The following ARMC9 variants were observed in gnomAD, a reference collection of about 807,000 sequenced individuals.
ARMC9 encodes lisH domain-containing protein ARMC9.
ARMC9 carries 94 observed loss-of-function variants against 107.0 expected under a neutral mutation model. The observed-to-expected ratio is 0.88, with a 90% CI of 0.74 to 1.04. The LOEUF (loss-of-function observed/expected upper bound fraction) is 1.04, where lower values mean the gene tolerates loss of function less well. ARMC9 is among the 50% of genes least tolerant of loss of function. The pLI, the probability that ARMC9 is intolerant of heterozygous loss-of-function variation, is 0.00. For missense variants in ARMC9, 942 were observed against 1,030.1 expected, an observed-to-expected ratio of 0.91 and a Z score of 1.17; for synonymous variants, 380 against 396.9, an observed-to-expected ratio of 0.96 and a Z score of 0.51.
intron 17 of ARMC9, among the ~76,000 whole-genome samples, chr2:231,291,111 G>A (rs1485653660): frequency 6.6e-6 from 1 of 152,122 alleles, no homozygotes; most frequent in Non-Finnish European, 1.5e-5. Context: ...ACTTGGCCAG[G>A]TTTGTCTTGC....
chr2:231,247,190 C>A (rs1003291767), intron 9 of ARMC9, among the ~76,000 whole-genome samples: 3 of 152,150 alleles, frequency 2.0e-5, no homozygotes, highest in African/African-American at 7.2e-5. Context: ...CTCTTGACCT[C>A]GTGATCCACC....
intron 9 of ARMC9, among the ~76,000 whole-genome samples, chr2:231,248,426 C>T (rs1023610816): frequency 6.6e-5 from 10 of 152,092 alleles, no homozygotes; most frequent in Non-Finnish European, 1.3e-4. Context: ...TACAGGCATC[C>T]GATCATATTA....
intron 17 of ARMC9, among the ~76,000 whole-genome samples, chr2:231,290,417 GA>G (rs1421567969): frequency 6.6e-6 from 1 of 152,172 alleles, no homozygotes; most frequent in Non-Finnish European, 1.5e-5. Flanking sequence ...AAAAGTCCAG[GA>G]AAATGTTCAG....
intron 1 of ARMC9, among the ~76,000 whole-genome samples, chr2:231,203,310 G>A (rs1351645575): frequency 6.6e-6 from 1 of 152,044 alleles, no homozygotes; most frequent in African/African-American, 2.4e-5. Flanking sequence ...CATACTCTTC[G>A]GCCAGCTGCT....
At chr2:231,256,510 A>G (rs939912615) in intron 9 of ARMC9, 76 bp from the exon 10 acceptor site, 25 of 1,543,616 alleles carry the variant, frequency 1.6e-5, no homozygotes, top group Non-Finnish European at 2.1e-5. Context: ...ATTCCATGCT[A>G]TTAGGGTGAT....
intron 16 of ARMC9, among the ~76,000 whole-genome samples, chr2:231,280,818 G>T (rs1318850980): frequency 6.6e-6 from 1 of 152,128 alleles, no homozygotes; most frequent in African/African-American, 2.4e-5. Context: ...AAGGATAAAG[G>T]ATATGACTAG....
chr2:231,273,226 G>A, intron 14 of ARMC9, 148 bp downstream of exon 14: 1 of 1,128,102 alleles, frequency 8.9e-7, no homozygotes, highest in Non-Finnish European at 1.3e-6. Context: ...AAGCTTATCT[G>A]TAATCCACTA....
intron 17 of ARMC9, among the ~76,000 whole-genome samples, chr2:231,282,789 G>C (rs1289583702): frequency 1.3e-5 from 2 of 152,178 alleles, no homozygotes; most frequent in Non-Finnish European, 2.9e-5. Context: ...TACATCAACA[G>C]TTACACCAGA....
intron 19 of ARMC9, among the ~76,000 whole-genome samples, chr2:231,329,153 A>C (rs569514151): frequency 6.6e-6 from 1 of 151,030 alleles, no homozygotes; most frequent in Admixed American, 6.6e-5. Flanking sequence ...CTTTCCATAT[A>C]GATTTTAGAA....
chr2:231,339,587 C>A (rs1360782497), intron 20 of ARMC9, among the ~76,000 whole-genome samples: 1 of 152,150 alleles, frequency 6.6e-6, no homozygotes. Context: ...CAGGTGTAAG[C>A]CACTGTGCAT....
chr2:231,220,229 T>G (rs2033971893), intron 5 of ARMC9, among the ~76,000 whole-genome samples: 1 of 152,170 alleles, frequency 6.6e-6, no homozygotes. Flanking sequence ...AAGTTTATTT[T>G]TTTGTTGTTT....
At position 231,360,356 on chromosome 2, in the gene ARMC9, T is replaced by TA. The variant is rs146050354; in HGVS notation, c.2132-394dup. Among the ~76,000 whole-genome samples, 9,334 of 152,214 alleles carry TA rather than the reference T, an allele frequency of 0.061. 853 individuals carry two copies. Among genetic ancestry groups the TA allele is most frequent in the African/African-American group, 0.2 (8,187 of 41,488 alleles). The stretch of plus-strand genomic sequence containing the variant: ...CTCTCAGGTTGTTGGTTTTAGCAAA[T>TA]AAAACTACACACCACCCAGTTACAT... On this transcript the variant is annotated intron_variant, in intron 22 of 24. Coordinates refer to ENST00000611582, the MANE Select transcript of ARMC9 (RefSeq NM_001352754.2). This position sits in a 1 kb window ranked among gnomAD's most constrained non-coding sequence, Gnocchi z 4.7.
rs1284614776 is a variant in ARMC9, at chr2:231,291,455, GCAAGAATCTTTGATCTA to G, written c.1717+13_1717+29del. ...GCAGCTAAATTCCGGTCAGTTTGAT[GCAAGAATCTTTGATCTA>G]TCTTTTGAATTATTCACATTTGCCA... On this transcript the variant is annotated intron_variant, in intron 18 of 24. Transcript: ENST00000611582. The G allele has an allele frequency of 6.2e-7, 1 of 1,607,806 alleles. No homozygotes were observed. The highest frequency in any genetic ancestry group is 1.3e-5 in the African/African-American group (1 of 74,784).
intron 17 of ARMC9, chr2:231,288,620 G>A (rs1440201756): frequency 4.2e-6 from 2 of 471,096 alleles, no homozygotes; most frequent in Non-Finnish European, 8.8e-6. Context: ...GTGTTGTCAG[G>A]CTCTGGAAGA....
chr2:231,206,300 T>C lies in ARMC9; in HGVS notation c.51+11T>C, dbSNP rs1238883007. 6.2e-7 allele frequency: 1 copy of C among 1,610,090 alleles called. No homozygotes were observed. Among genetic ancestry groups the C allele is most frequent in the Non-Finnish European group, 8.5e-7 (1 of 1,177,050 alleles). On this transcript the variant is annotated intron_variant, in intron 2 of 24. Coordinates refer to ENST00000611582, the MANE Select transcript of ARMC9 (RefSeq NM_001352754.2). ...GGACTAGTGAAAGAGGTAGGTATAT[T>C]ATACAAAGCAGAGGTCACAGAGAAA... is the stretch of plus-strand genomic sequence containing the variant.
At chr2:231,218,894 G>T (rs2033814398) in intron 5 of ARMC9, among the ~76,000 whole-genome samples, 1 of 151,926 alleles carries the variant, frequency 6.6e-6, no homozygotes, top group African/African-American at 2.4e-5. Flanking sequence ...TGGGATTATA[G>T]GCACACGCCA....
chr2:231,203,535 T>C (rs1409374533), intron 1 of ARMC9, among the ~76,000 whole-genome samples: 8 of 152,172 alleles, frequency 5.3e-5, no homozygotes, highest in Non-Finnish European at 1.0e-4. Context: ...GCAACATGCA[T>C]ATTAAAAAAT....
intron 3 of ARMC9, among the ~76,000 whole-genome samples, chr2:231,211,157 CA>C (rs879293803): frequency 2.2e-3 from 328 of 149,846 alleles, no homozygotes; most frequent in African/African-American, 5.9e-3. Context: ...CACACACACA[CA>C]CCCCCACAGT....
intron 19 of ARMC9, among the ~76,000 whole-genome samples, chr2:231,312,186 G>A (rs557696319): frequency 2.0e-5 from 3 of 152,296 alleles, no homozygotes; most frequent in African/African-American, 4.8e-5. Context: ...CAGCTGGGCC[G>A]GAAGGTTCGA....
Sources: allele counts gnomAD v4.1 joint callset (sites outside exome capture counted in the v4.1 genomes callset), GRCh38; gene constraint gnomAD v4.1.1; non-coding constraint Gnocchi (gnomAD v3.1); transcripts MANE v1.5; gene names NCBI Gene and HGNC (gene_info 2026-07-23, HGNC 2026-07-21).